Variants in ACAA2 observed in about 807,000 individuals in gnomAD.
ACAA2 encodes 3-ketoacyl-CoA thiolase, mitochondrial.
Under a neutral mutation model 44.8 loss-of-function variants are expected in ACAA2, and 35 were observed. The ratio of observed to expected loss-of-function variants is 0.78; its 90% CI spans 0.60 to 1.04. The LOEUF (loss-of-function observed/expected upper bound fraction) is 1.04. ACAA2 is among the 50% of genes least tolerant of loss of function. The pLI is 0.00. For synonymous variants in ACAA2, 142 were observed against 166.5 expected, an observed-to-expected ratio of 0.85 and a Z score of 1.13; for missense variants, 468 against 482.6, an observed-to-expected ratio of 0.97 and a Z score of 0.28.
chr18:49,813,389 G>C, intron 1 of ACAA2, 80 bp downstream of exon 1: 3 of 1,130,222 alleles, frequency 2.7e-6, no homozygotes, highest in Non-Finnish European at 3.4e-6. Context: ...CCGACTCTCC[G>C]CGGCGGCCGG....
intron 2 of ACAA2, among the ~76,000 whole-genome samples, chr18:49,798,414 A>T (rs1004191057): frequency 1.3e-5 from 2 of 151,788 alleles, no homozygotes; most frequent in Non-Finnish European, 2.9e-5. Flanking sequence ...ATTTCTAACC[A>T]TTTCCCTGGT....
intron 5 of ACAA2, among the ~76,000 whole-genome samples, chr18:49,793,406 TA>T (rs1460860316): frequency 6.6e-6 from 1 of 152,232 alleles, no homozygotes; most frequent in Non-Finnish European, 1.5e-5. Flanking sequence ...ATCTCTATCT[TA>T]CAGAGGTTCA....
At chr18:49,803,329 T>G (rs745440953) in intron 1 of ACAA2, among the ~76,000 whole-genome samples, 2 of 151,582 alleles carry the variant, frequency 1.3e-5, no homozygotes, top group African/African-American at 4.8e-5. Flanking sequence ...TTTCCAGACA[T>G]TGTATGAAAA....
chr18:49,813,424 G>A (rs2023694703), intron 1 of ACAA2, 45 bp downstream of exon 1: 2 of 1,227,178 alleles, frequency 1.6e-6, no homozygotes, highest in Non-Finnish European at 2.1e-6. Flanking sequence ...CCTGGGGAGG[G>A]CAGGACCCCG....
rs775944059 is a variant in ACAA2, at chr18:49,794,414, A to G, written c.443T>C (p.Leu148Ser). 5 of 1,588,794 alleles carry G rather than the reference A, an allele frequency of 3.1e-6. No individual in the cohort carries two copies. The South Asian group carries it at 5.9e-5, about 19-fold the overall frequency. ...ATGCTGATCTGTTAATGATACCCAT[A>G]AAGAATCTTCCAGCTATTAAAAGAC... ...LGSDIKLEDS[L>S]WVSLTDQHVQ... The change falls in exon 5 of 10, where the codon TTA becomes TCA. Residue 148 changes from leucine (L) to serine (S), a missense_variant. Transcript: ENST00000285093.
chr18:49,784,693 T>C (rs1478445026), intron 9 of ACAA2, among the ~76,000 whole-genome samples: 2 of 150,878 alleles, frequency 1.3e-5, no homozygotes, highest in Admixed American at 6.6e-5. Context: ...CTTCTGGTAC[T>C]ATCTATCAAA....
At chr18:49,808,560 G>A (rs571251579) in intron 1 of ACAA2, among the ~76,000 whole-genome samples, 8 of 152,276 alleles carry the variant, frequency 5.3e-5, no homozygotes, top group South Asian at 2.1e-4. Context: ...CAGCTGGGCC[G>A]CCGGGGGTGA....
At chr18:49,791,742 C>T (rs2023402004) in intron 6 of ACAA2, 143 bp from the exon 7 acceptor site, 16 of 779,770 alleles carry the variant, frequency 2.1e-5, no homozygotes, top group Non-Finnish European at 3.1e-5. Context: ...AAAAGTGGTA[C>T]TGTGGTGGAT....
chr18:49,785,987 TTA>T (rs1223788971), intron 8 of ACAA2: 2 of 152,280 alleles, frequency 1.3e-5, no homozygotes, highest in African/African-American at 4.8e-5. Flanking sequence ...GAAAAGTATA[TTA>T]TGTTATACTT....
At chr18:49,787,908 G>A (rs948311523) in intron 7 of ACAA2, among the ~76,000 whole-genome samples, 2 of 152,168 alleles carry the variant, frequency 1.3e-5, no homozygotes, top group Admixed American at 1.3e-4. Context: ...GCTACACTCT[G>A]AATTTTCAGG....
At chr18:49,808,442 C>G (rs1009667217) in intron 1 of ACAA2, among the ~76,000 whole-genome samples, 1 of 152,198 alleles carries the variant, frequency 6.6e-6, no homozygotes, top group Non-Finnish European at 1.5e-5. Context: ...AAGGCAACCA[C>G]GATGTCCTAT....
At chr18:49,805,957 C>T (rs2023606501) in intron 1 of ACAA2, among the ~76,000 whole-genome samples, 1 of 152,078 alleles carries the variant, frequency 6.6e-6, no homozygotes, top group South Asian at 2.1e-4. Flanking sequence ...TTCATTAGTT[C>T]TGCTTCTGGT....
intron 2 of ACAA2, among the ~76,000 whole-genome samples, chr18:49,798,036 G>A (rs2023485274): frequency 6.6e-6 from 1 of 152,176 alleles, no homozygotes. Flanking sequence ...CTATCCTAAA[G>A]TAGTATGCTC....
chr18:49,791,843 T>A (rs1319713205), intron 6 of ACAA2, among the ~76,000 whole-genome samples: 1 of 151,798 alleles, frequency 6.6e-6, no homozygotes, highest in Non-Finnish European at 1.5e-5. Context: ...TGTGAGTAGA[T>A]GTAAGAAGAA....
At position 49,797,584 on chromosome 18, in the gene ACAA2, T is replaced by C. The variant is rs1270686413; in HGVS notation, c.194A>G (p.Asp65Gly). ...IMGNVLQSSSDAIYLARHVGL... is the reference protein window; with the variant it reads ...IMGNVLQSSSGAIYLARHVGL... ...AACATGCCTTGCCAAATATATAGCA[T>C]CTGAAGAACTCTAGAAGAGAGAAGG... is the stretch of plus-strand genomic sequence containing the variant. The change falls in exon 3 of 10, where the codon GAT becomes GGT. Residue 65 changes from aspartate (D) to glycine (G), a missense_variant. Physicochemically the swap from Asp to Gly is moderately conservative, Grantham distance 94. Transcript: ENST00000285093. 2 of 1,606,640 alleles carry C rather than the reference T, an allele frequency of 1.2e-6. No homozygotes were observed. Among genetic ancestry groups the C allele is most frequent in the Non-Finnish European group, 8.5e-7 (1 of 1,177,650 alleles).
At chr18:49,788,798 T>C (rs554172210) in intron 7 of ACAA2, among the ~76,000 whole-genome samples, 1 of 152,336 alleles carries the variant, frequency 6.6e-6, no homozygotes, top group Admixed American at 6.5e-5. Context: ...CATAACTCGA[T>C]TTTTAAAGGA....
chr18:49,790,921 A>C (rs2023390719), intron 7 of ACAA2, among the ~76,000 whole-genome samples: 1 of 152,216 alleles, frequency 6.6e-6, no homozygotes, highest in Admixed American at 6.5e-5. Flanking sequence ...GATTTCAGAG[A>C]GACTTGGATT....
intron 4 of ACAA2, among the ~76,000 whole-genome samples, chr18:49,795,340 T>G (rs560177116): frequency 6.3e-4 from 96 of 152,332 alleles, no homozygotes; most frequent in African/African-American, 2.2e-3. Flanking sequence ...TCTGTGATGA[T>G]GAAGAAATCT....
intron 4 of ACAA2, among the ~76,000 whole-genome samples, chr18:49,795,202 A>G (rs1438226157): frequency 6.6e-6 from 1 of 152,230 alleles, no homozygotes; most frequent in Non-Finnish European, 1.5e-5. Context: ...GCCCTTTCAC[A>G]TGGGAATGAG....
Sources: gnomAD v4.1 joint callset for allele counts (sites outside exome capture counted in the v4.1 genomes callset) on GRCh38, gnomAD v4.1.1 for gene constraint, MANE v1.5 for transcripts, NCBI Gene and HGNC (gene_info 2026-07-23, HGNC 2026-07-21) for gene names.